The following ANKS1B variants were observed in gnomAD, a reference collection of about 807,000 sequenced individuals.
ANKS1B encodes the protein ankyrin repeat and sterile alpha motif domain containing 1B.
In ANKS1B, 36 loss-of-function variants were observed where a neutral mutation model predicts 148.3. The ratio of observed to expected loss-of-function variants is 0.24; its 90% CI spans 0.19 to 0.32. The LOEUF (loss-of-function observed/expected upper bound fraction) is 0.32, where lower values mean the gene tolerates loss of function less well. ANKS1B is among the 10% of genes least tolerant of loss of function. The pLI is 1.00. For synonymous variants in ANKS1B, 542 were observed against 560.8 expected (o/e 0.97, Z 0.47); for missense variants, 1,157 against 1,542.6 (o/e 0.75, Z 4.19).
intron 9 of ANKS1B, among the ~76,000 whole-genome samples, chr12:99,578,219 A>C (rs1267903601): frequency 6.6e-6 from 1 of 152,182 alleles, no homozygotes; most frequent in East Asian, 1.9e-4. Context: ...AACATACCTC[A>C]AAACAACAAG....
At chr12:99,919,859 A>C (rs2153796293) in intron 1 of ANKS1B, among the ~76,000 whole-genome samples, 1 of 151,710 alleles carries the variant, frequency 6.6e-6, no homozygotes, top group African/African-American at 2.4e-5. Context: ...GTTTAGATTG[A>C]TTACATATTG....
At chr12:99,781,309 AT>A (rs1029668638) in intron 5 of ANKS1B, among the ~76,000 whole-genome samples, 2 of 151,038 alleles carry the variant, frequency 1.3e-5, no homozygotes, top group Non-Finnish European at 3.0e-5. Context: ...AATGTTTTTC[AT>A]TTTTTTTTAC....
At chr12:99,477,022 C>T (rs550807612) in intron 10 of ANKS1B, among the ~76,000 whole-genome samples, 2 of 152,242 alleles carry the variant, frequency 1.3e-5, no homozygotes, top group South Asian at 2.1e-4. Flanking sequence ...GGCCTCTCCA[C>T]GGAACACAAA....
intron 12 of ANKS1B, among the ~76,000 whole-genome samples, chr12:99,290,399 A>G (rs2079794562): frequency 6.6e-6 from 1 of 151,920 alleles, no homozygotes; most frequent in African/African-American, 2.4e-5. Flanking sequence ...TAAGGGGACT[A>G]CCTCTAAACT....
chr12:99,689,143 G>C, intron 8 of ANKS1B, among the ~76,000 whole-genome samples: 1 of 151,806 alleles, frequency 6.6e-6, no homozygotes, highest in East Asian at 1.9e-4. Context: ...TTGATATTTT[G>C]GTTTCTAGTT....
intron 9 of ANKS1B, among the ~76,000 whole-genome samples, chr12:99,652,337 G>T (rs1413282592): frequency 6.6e-6 from 1 of 152,016 alleles, no homozygotes; most frequent in Non-Finnish European, 1.5e-5. Flanking sequence ...GCCAAGCATA[G>T]TGGCGCACCC....
intron 1 of ANKS1B, among the ~76,000 whole-genome samples, chr12:99,955,487 C>G (rs1049976075): frequency 1.1e-5 from 1 of 93,090 alleles, no homozygotes; most frequent in Non-Finnish European, 2.0e-5. Context: ...AGCGAAACTC[C>G]GTCTCAAAAA....
intron 10 of ANKS1B, among the ~76,000 whole-genome samples, chr12:99,488,381 C>A (rs1203474158): frequency 6.6e-6 from 1 of 152,102 alleles, no homozygotes; most frequent in African/African-American, 2.4e-5. Context: ...GAACTAGGGA[C>A]ATTTTAATTA....
intron 14 of ANKS1B, among the ~76,000 whole-genome samples, chr12:99,201,370 G>A (rs1026916406): frequency 7.2e-5 from 11 of 151,980 alleles, no homozygotes; most frequent in Non-Finnish European, 1.3e-4. Context: ...TATCCTATGA[G>A]TACTGAATAA....
intron 14 of ANKS1B, among the ~76,000 whole-genome samples, chr12:99,172,076 T>C (rs1026626923): frequency 6.6e-6 from 1 of 152,096 alleles, no homozygotes; most frequent in Non-Finnish European, 1.5e-5. Flanking sequence ...GAAGACGTAG[T>C]AGGAATTTTT....
At chr12:99,663,577 T>G (rs1358100399) in intron 8 of ANKS1B, among the ~76,000 whole-genome samples, 1 of 152,156 alleles carries the variant, frequency 6.6e-6, no homozygotes, top group Non-Finnish European at 1.5e-5. Context: ...CTGTACTGCA[T>G]TTATATCTGC....
chr12:99,284,672 C>G (rs1259169723), intron 12 of ANKS1B, among the ~76,000 whole-genome samples: 1 of 152,120 alleles, frequency 6.6e-6, no homozygotes, highest in African/African-American at 2.4e-5. Flanking sequence ...ATCCATTCTC[C>G]ATGTAGCACT....
intron 8 of ANKS1B, among the ~76,000 whole-genome samples, chr12:99,725,561 T>C (rs2058534277): frequency 6.6e-6 from 1 of 152,152 alleles, no homozygotes; most frequent in African/African-American, 2.4e-5. Flanking sequence ...AAAAAGGGAC[T>C]TCTAACACCC....
At chr12:99,585,930 G>A (rs1221842327) in intron 9 of ANKS1B, among the ~76,000 whole-genome samples, 2 of 152,126 alleles carry the variant, frequency 1.3e-5, no homozygotes, top group Admixed American at 1.3e-4. Context: ...GATGAGGGGG[G>A]CTGCCACAGA....
At chr12:98,735,718 G>C in intron 9 of ANKS1B, 1 of 639,978 alleles carries the variant, frequency 1.6e-6, no homozygotes, top group Non-Finnish European at 3.0e-6. Flanking sequence ...CCATGTGCCT[G>C]GCATTGTGGT....
chr12:99,264,940 T>G (rs2076291939), intron 12 of ANKS1B, among the ~76,000 whole-genome samples: 1 of 152,174 alleles, frequency 6.6e-6, no homozygotes, highest in East Asian at 1.9e-4. Flanking sequence ...CAGTTTTACT[T>G]CATTGGCCTA....
At chr12:99,371,415 G>A (rs749735436) in intron 12 of ANKS1B, among the ~76,000 whole-genome samples, 4 of 151,964 alleles carry the variant, frequency 2.6e-5, no homozygotes, top group Admixed American at 6.6e-5. Context: ...CTCTGTAAAC[G>A]CACAATTTAA....
intron 17 of ANKS1B, among the ~76,000 whole-genome samples, chr12:98,851,578 G>A (rs1291578561): frequency 1.3e-5 from 2 of 152,200 alleles, no homozygotes; most frequent in African/African-American, 2.4e-5. Context: ...AGGTGGGTCA[G>A]AGCCAGATTG....
chr12:99,051,316 A>G (rs1350616791), intron 17 of ANKS1B, among the ~76,000 whole-genome samples: 1 of 152,214 alleles, frequency 6.6e-6, no homozygotes, highest in East Asian at 1.9e-4. Flanking sequence ...TCCATTCTTT[A>G]CAATGGGAGA....
Sources: allele counts gnomAD v4.1 joint callset (sites outside exome capture counted in the v4.1 genomes callset), GRCh38; gene constraint gnomAD v4.1.1; transcripts MANE v1.5; gene names NCBI Gene and HGNC (gene_info 2026-07-23, HGNC 2026-07-21).